Variants in RBM26 observed in about 807,000 individuals in gnomAD.
RBM26 encodes the protein RNA binding motif protein 26.
Under a neutral mutation model 123.6 loss-of-function variants are expected in RBM26, and 30 were observed. The observed-to-expected ratio is 0.24, with a 90% CI of 0.18 to 0.33. RBM26 has a LOEUF of 0.33. Among genes scored for constraint, RBM26 ranks in the 10% least tolerant of loss-of-function variants. The pLI, the probability that RBM26 is intolerant of heterozygous loss-of-function variation, is 1.00. For missense variants in RBM26, 947 were observed against 1,203.6 expected (o/e 0.79, Z 3.15); for synonymous variants, 400 against 404.4 (o/e 0.99, Z 0.13).
At chr13:79,355,005 C>T (rs2139533970) in intron 12 of RBM26, among the ~76,000 whole-genome samples, 1 of 152,296 alleles carries the variant, frequency 6.6e-6, no homozygotes, top group South Asian at 2.1e-4. Context: ...TCACATACAC[C>T]ATGCTGTTCT....
downstream of RBM26, among the ~76,000 whole-genome samples, chr13:79,316,200 TGTGTG>T (rs1481759041): frequency 6.4e-5 from 9 of 141,158 alleles, no homozygotes; most frequent in Non-Finnish European, 1.2e-4. Context: ...CAGGTGTGTG[TGTGTG>T]TGTGTGTGTG....
At chr13:79,358,672 C>T (rs2074311624) in intron 10 of RBM26, among the ~76,000 whole-genome samples, 1 of 152,274 alleles carries the variant, frequency 6.6e-6, no homozygotes, top group African/African-American at 2.4e-5. Context: ...TTGTTACTTT[C>T]CACTTCTGAT....
At chr13:79,373,648 CTATTTATATATT>C (rs2076353050) in intron 3 of RBM26, among the ~76,000 whole-genome samples, 2 of 115,514 alleles carry the variant, frequency 1.7e-5, no homozygotes, top group African/African-American at 6.6e-5. Context: ...TTTATATAGT[CTATTTATATATT>C]TATATATTAT....
chr13:79,338,079 C>G (rs755792938), intron 18 of RBM26, among the ~76,000 whole-genome samples: 16 of 151,952 alleles, frequency 1.1e-4, no homozygotes, highest in Non-Finnish European at 2.1e-4. Context: ...ATTAGCCAGG[C>G]GTAGTGCCTG....
At chr13:79,358,504 T>C in intron 10 of RBM26, 71 bp from the exon 11 acceptor site, 1 of 1,193,800 alleles carries the variant, frequency 8.4e-7, no homozygotes, top group Non-Finnish European at 1.2e-6. Flanking sequence ...GGGAATAAAG[T>C]TTAACAAAAT....
At chr13:79,377,291 A>T in intron 3 of RBM26, 88 bp downstream of exon 3, 1 of 1,186,556 alleles carries the variant, frequency 8.4e-7, no homozygotes, top group Non-Finnish European at 1.2e-6. Flanking sequence ...TGAGGACTCC[A>T]ACACAAAGAT....
At position 79,319,254 on chromosome 13, in the gene RBM26, A is replaced by G. The variant is rs2067424041; in HGVS notation, c.*1367T>C. On this transcript the variant is annotated 3_prime_UTR_variant, in exon 22 of 22. Coordinates refer to ENST00000438737, the MANE Select transcript of RBM26 (RefSeq NM_001366735.2). Reference sequence around the variant, plus strand: ...GAGGACCCCAATATGGAAGAAAGTAATTTTTTAAATGTGATTTTTTAATAT... The same window carrying G: ...GAGGACCCCAATATGGAAGAAAGTAGTTTTTTAAATGTGATTTTTTAATAT... 3 of 983,932 alleles carry G rather than the reference A, an allele frequency of 3.0e-6. No homozygotes were observed. Among genetic ancestry groups the G allele is most frequent in the South Asian group, 4.7e-5 (1 of 21,282 alleles). 61.0% of individuals were successfully genotyped at this position (983,932 alleles called of 1,614,324 possible). A position where few individuals can be genotyped will look rare whatever the true frequency, so the allele number is the denominator to read the frequency against.
chr13:79,358,496 G>C, intron 10 of RBM26, 63 bp from the exon 11 acceptor site: 2 of 1,292,618 alleles, frequency 1.5e-6, no homozygotes, highest in South Asian at 1.4e-5. Flanking sequence ...AAATACAAGG[G>C]AATAAAGTTT....
chr13:79,375,967 G>A (rs2076637104), intron 3 of RBM26, among the ~76,000 whole-genome samples: 2 of 151,722 alleles, frequency 1.3e-5, no homozygotes, highest in African/African-American at 4.8e-5. Flanking sequence ...TGTATATAAA[G>A]CACTTGATTG....
downstream of RBM26, chr13:79,314,983 A>G: frequency 1.5e-6 from 2 of 1,301,516 alleles, no homozygotes; most frequent in Middle Eastern, 2.1e-4. Context: ...GGCAATGATG[A>G]TCTCTCTCTG....
At chr13:79,342,027 G>A (rs1033316149) in intron 17 of RBM26, among the ~76,000 whole-genome samples, 9 of 151,774 alleles carry the variant, frequency 5.9e-5, no homozygotes, top group African/African-American at 1.4e-4. Flanking sequence ...TACTTTGAAC[G>A]TATTATAGCA....
At chr13:79,350,374 G>A (rs1295656527) in intron 14 of RBM26, among the ~76,000 whole-genome samples, 1 of 152,080 alleles carries the variant, frequency 6.6e-6, no homozygotes, top group Admixed American at 6.6e-5. Context: ...TAATTTGAAC[G>A]GTCTTAAGTC....
chr13:79,357,743 ACTTTGCTGT>A (rs1475773122), intron 11 of RBM26, among the ~76,000 whole-genome samples: 5 of 152,182 alleles, frequency 3.3e-5, no homozygotes, highest in Admixed American at 3.3e-4. Context: ...AGTGTGATTA[ACTTTGCTGT>A]AGTTTTATGA....
intron 19 of RBM26, among the ~76,000 whole-genome samples, chr13:79,336,233 T>G (rs908479169): frequency 2.0e-5 from 3 of 152,176 alleles, no homozygotes; most frequent in Non-Finnish European, 4.4e-5. Context: ...TCTATTGTTC[T>G]TTTTTCCATC....
chr13:79,360,402 C>T (rs2074535072), intron 9 of RBM26, among the ~76,000 whole-genome samples: 2 of 152,066 alleles, frequency 1.3e-5, no homozygotes, highest in South Asian at 2.1e-4. Flanking sequence ...TCAATTCTCA[C>T]ATGCCAAATT....
In RBM26 at chr13:79,344,307, G is replaced by C; in HGVS notation, c.2200C>G (p.Gln734Glu). ...QKKKQEALKL[Q>E]QDVRKRKQEI... is the part of the protein sequence containing the mutation. ...TGTTTCCTTTTCCTTACATCCTGCTGAAGTTTCAATGCCTCCTAGAATCAG... is the reference window on the plus strand; with the variant it reads ...TGTTTCCTTTTCCTTACATCCTGCTCAAGTTTCAATGCCTCCTAGAATCAG... Residue 734 changes from glutamine to glutamate, a missense_variant, in exon 16 of 22, where the codon CAG becomes GAG. By Grantham distance (29) the Gln-to-Glu change is conservative. This residue lies in a region of RBM26 where 493 missense variants were observed against 563.1 expected (regional missense o/e 0.88). Coordinates refer to ENST00000438737, the MANE Select transcript of RBM26 (RefSeq NM_001366735.2). The C allele has an allele frequency of 6.2e-7, 1 of 1,607,552 alleles. No homozygotes were observed. The highest frequency in any genetic ancestry group is 8.5e-7 in the Non-Finnish European group (1 of 1,174,514).
intron 1 of RBM26, among the ~76,000 whole-genome samples, chr13:79,396,601 C>G (rs886412050): frequency 5.3e-5 from 8 of 151,944 alleles, no homozygotes; most frequent in African/African-American, 1.9e-4. Flanking sequence ...GATTTTATAA[C>G]CAAAAAATCC....
chr13:79,328,011 T>C (rs534189080), intron 20 of RBM26, among the ~76,000 whole-genome samples: 2 of 152,248 alleles, frequency 1.3e-5, no homozygotes, highest in Admixed American at 6.5e-5. Flanking sequence ...GCTCTTACAA[T>C]GTAAAAAGTA....
intron 14 of RBM26, among the ~76,000 whole-genome samples, chr13:79,347,045 T>A (rs911739830): frequency 6.6e-6 from 1 of 152,232 alleles, no homozygotes; most frequent in Non-Finnish European, 1.5e-5. Flanking sequence ...TTTAACCAAG[T>A]ATTTCTCCAG....
Sources: gnomAD v4.1 joint callset for allele counts (sites outside exome capture counted in the v4.1 genomes callset) on GRCh38, gnomAD v4.1.1 for gene constraint, gnomAD v4.1.1 regional missense constraint, MANE v1.5 for transcripts, NCBI Gene and HGNC (gene_info 2026-07-23, HGNC 2026-07-21) for gene names.